OR5BS1: variants seen among roughly 807,000 people sequenced by gnomAD.
OR5BS1 encodes olfactory receptor family 5 subfamily BS member 1.
At chr12:48,560,394 T>G in the OR5BS1 span, 1 of 401,562 alleles carries the variant, frequency 2.5e-6, no homozygotes. Flanking sequence ...TCTGCGGCCC[T>G]AATGTCATCC....
chr12:48,562,605 T>C, the OR5BS1 span, among the ~76,000 whole-genome samples: 1 of 152,220 alleles, frequency 6.6e-6, no homozygotes, highest in African/African-American at 2.4e-5. Flanking sequence ...CACTTATGTT[T>C]GGAAGTGTTT....
the OR5BS1 span, chr12:48,560,529 T>C: frequency 4.2e-5 from 17 of 401,890 alleles, no homozygotes; most frequent in Non-Finnish European, 6.2e-5. Context: ...TTTTGCTGGG[T>C]TCCTACAGCT....
chr12:48,560,360 C>A, the OR5BS1 span: 11 of 401,504 alleles, frequency 2.7e-5, no homozygotes, highest in South Asian at 8.8e-4. Flanking sequence ...CTAATTAACA[C>A]CCTCCTCCTG....
chr12:48,561,362 C>T, the OR5BS1 span, among the ~76,000 whole-genome samples: 1 of 152,152 alleles, frequency 6.6e-6, no homozygotes, highest in Non-Finnish European at 1.5e-5. Flanking sequence ...AATTTACTAG[C>T]CATTTACTAT....
At chr12:48,562,809 A>G in the OR5BS1 span, 2 of 401,912 alleles carry the variant, frequency 5.0e-6, no homozygotes, top group East Asian at 7.1e-5. Context: ...TGATTCCAGC[A>G]TCTGGCTCAG....
chr12:48,562,860 C>A, the OR5BS1 span: 2 of 401,946 alleles, frequency 5.0e-6, no homozygotes, highest in Non-Finnish European at 8.8e-6. Flanking sequence ...GTGTGATAAC[C>A]CCCCTGCTGA....
At chr12:48,560,338 A>C in the OR5BS1 span, 1 of 401,476 alleles carries the variant, frequency 2.5e-6, no homozygotes, top group Non-Finnish European at 4.4e-6. Context: ...GGCCATAGGA[A>C]TGGGGACTGG....
chr12:48,561,541 G>A, the OR5BS1 span, among the ~76,000 whole-genome samples: 5 of 152,136 alleles, frequency 3.3e-5, no homozygotes, highest in African/African-American at 7.2e-5. Flanking sequence ...ACCGAGATCC[G>A]TGCCCTTCCT....
chr12:48,560,503 C>T, the OR5BS1 span: 4 of 401,862 alleles, frequency 1.0e-5, no homozygotes, highest in South Asian at 1.3e-4. Flanking sequence ...AGTCCTGGGC[C>T]TTGGCACCCT....
chr12:48,560,859 T>G, the OR5BS1 span, among the ~76,000 whole-genome samples: 3 of 152,110 alleles, frequency 2.0e-5, no homozygotes, highest in African/African-American at 7.2e-5. Flanking sequence ...CCCCAGCACT[T>G]TGGGAGGCTG....
chr12:48,562,827 A>G, the OR5BS1 span: 5 of 401,828 alleles, frequency 1.2e-5, no homozygotes, highest in African/African-American at 1.0e-4. Flanking sequence ...CAGCCCTAGA[A>G]CAAGTGCTCT....
chr12:48,561,781 A>AAAATAAAT, the OR5BS1 span, among the ~76,000 whole-genome samples: 1 of 152,130 alleles, frequency 6.6e-6, no homozygotes, highest in Non-Finnish European at 1.5e-5. Context: ...AAAAATAAGT[A>AAAATAAAT]AAATAAATAA....
At chr12:48,560,389 G>A in the OR5BS1 span, 9 of 401,338 alleles carry the variant, frequency 2.2e-5, no homozygotes, top group East Asian at 3.6e-5. Context: ...GCACTTCTGC[G>A]GCCCTAATGT....
the OR5BS1 span, chr12:48,562,927 C>T: frequency 2.5e-6 from 1 of 401,594 alleles, no homozygotes; most frequent in East Asian, 3.6e-5. Flanking sequence ...GAGGAGGATG[C>T]TGGCCAGGAA....
the OR5BS1 span, among the ~76,000 whole-genome samples, chr12:48,561,006 G>T: frequency 6.6e-6 from 1 of 151,876 alleles, no homozygotes; most frequent in African/African-American, 2.4e-5. Flanking sequence ...GGGAGGCTGA[G>T]GCAGGAGAAT....
the OR5BS1 span, among the ~76,000 whole-genome samples, chr12:48,560,918 C>T: frequency 6.6e-6 from 1 of 152,090 alleles, no homozygotes; most frequent in Non-Finnish European, 1.5e-5. Context: ...GCCTGGTCAA[C>T]ATGGCGAAAC....
the OR5BS1 span, among the ~76,000 whole-genome samples, chr12:48,561,260 A>G: frequency 6.6e-6 from 1 of 152,238 alleles, no homozygotes; most frequent in East Asian, 1.9e-4. Flanking sequence ...ATTTTTAATC[A>G]GTGTTAGACA....
At chr12:48,562,511 T>G in the OR5BS1 span, among the ~76,000 whole-genome samples, 1 of 152,248 alleles carries the variant, frequency 6.6e-6, no homozygotes, top group Admixed American at 6.5e-5. Context: ...TCCCCAATAT[T>G]AATTCTGTTC....
the OR5BS1 span, among the ~76,000 whole-genome samples, chr12:48,561,228 G>T: frequency 6.6e-6 from 1 of 152,170 alleles, no homozygotes; most frequent in Admixed American, 6.5e-5. Flanking sequence ...TTCGCAAAAA[G>T]AAATCAGAGA....
Sources: gnomAD v4.1 joint callset for allele counts (sites outside exome capture counted in the v4.1 genomes callset) on GRCh38, gnomAD v4.1.1 for gene constraint, MANE v1.5 for transcripts, NCBI Gene and HGNC (gene_info 2026-07-23, HGNC 2026-07-21) for gene names.